The following ATP2B4 variants were observed in gnomAD, a reference collection of about 807,000 sequenced individuals.
The protein encoded by ATP2B4 is ATPase plasma membrane Ca2+ transporting 4, also known as plasma membrane calcium-transporting ATPase 4.
A neutral mutation model predicts 110.3 loss-of-function variants in ATP2B4; 39 were observed. That is an observed-to-expected ratio of 0.35 (90% CI 0.27 to 0.46). The LOEUF (loss-of-function observed/expected upper bound fraction) is 0.46. Among genes scored for constraint, ATP2B4 ranks in the 20% least tolerant of loss-of-function variants. The pLI is 1.00. For synonymous variants in ATP2B4, 538 were observed against 571.7 expected (o/e 0.94, Z 0.84); for missense variants, 1,135 against 1,530.9 (o/e 0.74, Z 4.32).
At position 203,629,732 on chromosome 1, in the gene ATP2B4, T is replaced by TCCTGCCTCC. The variant is rs753910362; in HGVS notation, c.-465+2515_-465+2523dup. ...GCGAACCGAGCGGCGAACGGAGGCT[T>TCCTGCCTCC]CCTGCCTCCCAGGTTGTGCCGAGCC... On this transcript the variant is annotated intron_variant, in intron 1 of 20. Coordinates refer to ENST00000357681, the MANE Select transcript of ATP2B4 (RefSeq NM_001684.5). The surrounding 1 kb of genome is among the most constrained non-coding windows in gnomAD (Gnocchi z 4.6). 3.3e-5 allele frequency among the ~76,000 whole-genome samples: 5 copies of TCCTGCCTCC among 152,168 alleles called. No individual in the cohort carries two copies. The highest frequency in any genetic ancestry group is 7.4e-5 in the Non-Finnish European group (5 of 68,022).
At chr1:203,704,263 A>G (rs1053894911) in intron 8 of ATP2B4, among the ~76,000 whole-genome samples, 3 of 152,128 alleles carry the variant, frequency 2.0e-5, no homozygotes, top group African/African-American at 7.2e-5. Context: ...GACTGGAGGA[A>G]GAAGGAAGGC....
rs1005106113 is a variant in ATP2B4, at chr1:203,743,584, C to A, written c.*3730C>A. On this transcript the variant is annotated 3_prime_UTR_variant, in exon 21 of 21. Coordinates refer to ENST00000357681, the MANE Select transcript of ATP2B4 (RefSeq NM_001684.5). ...TGTATATATGCCATATGTGAATATG[C>A]CATATATATGTGCCAACAAATCTAT... 3.3e-5 allele frequency: 5 copies of A among 152,582 alleles called. No individual in the cohort carries two copies. The highest frequency in any genetic ancestry group is 5.9e-5 in the Non-Finnish European group (4 of 68,036). The allele number at this position is 152,582 out of a possible 1,614,324, so 9.5% of individuals were successfully genotyped here. A position where few individuals can be genotyped will look rare whatever the true frequency, so the allele number is the denominator to read the frequency against.
At position 203,629,809 on chromosome 1, in the gene ATP2B4, G is replaced by A. The variant is rs985025736; in HGVS notation, c.-465+2590G>A. ...ACCAAGTCTCTAGATTCAAGGTCAA[G>A]TCAAAGGAGCACAGCCCGTCTTACC... On this transcript the variant is annotated intron_variant, in intron 1 of 20. Transcript: ENST00000357681. The surrounding 1 kb of genome is among the most constrained non-coding windows in gnomAD (Gnocchi z 4.6). Among the ~76,000 whole-genome samples the A allele has an allele frequency of 6.6e-6, 1 of 152,220 alleles. No individual in the cohort carries two copies. Among genetic ancestry groups the A allele is most frequent in the African/African-American group, 2.4e-5 (1 of 41,460 alleles).
chr1:203,688,092 C>T (rs6692627), intron 2 of ATP2B4, among the ~76,000 whole-genome samples: 125,456 of 150,360 alleles, frequency 0.83, 53,082 homozygotes, highest in East Asian at 1. Flanking sequence ...GGCATGATCT[C>T]GGCTCACTGC....
rs76321648 is a variant in ATP2B4, at chr1:203,639,377, C to T, written c.-465+12158C>T. On this transcript the variant is annotated intron_variant, in intron 1 of 20. Transcript: ENST00000357681. ...TAAGGGTTTGGGAAGAAGTGGTATC[C>T]GGGAGGCAAAGGAAGGGCTCAGCAT... Among the ~76,000 whole-genome samples the T allele has an allele frequency of 8.5e-3, 1,291 of 152,228 alleles. 20 individuals are homozygous for T. The highest frequency in any genetic ancestry group is 0.03 in the African/African-American group (1,233 of 41,534).
At chr1:203,658,577 C>T (rs1664237720) in intron 1 of ATP2B4, among the ~76,000 whole-genome samples, 1 of 151,400 alleles carries the variant, frequency 6.6e-6, no homozygotes, top group Non-Finnish European at 1.5e-5. Context: ...GGATGATGAG[C>T]AAATAAAATG....
chr1:203,657,014 T>G (rs1011993987), intron 1 of ATP2B4: 1 of 747,616 alleles, frequency 1.3e-6, no homozygotes, highest in Non-Finnish European at 2.4e-6. Flanking sequence ...TCAGGACTGT[T>G]GGTAACCTGA....
chr1:203,722,396 C>A, intron 17 of ATP2B4, 82 bp from the exon 18 acceptor site: 1 of 1,101,564 alleles, frequency 9.1e-7, no homozygotes, highest in Non-Finnish European at 1.4e-6. Flanking sequence ...CAGCCATAAG[C>A]AAGCAGTATA....
At chr1:203,722,273 G>T (rs1046084702) in intron 17 of ATP2B4, among the ~76,000 whole-genome samples, 1 of 152,180 alleles carries the variant, frequency 6.6e-6, no homozygotes, top group African/African-American at 2.4e-5. Context: ...GGTCCAGGCT[G>T]CAGTGAGCCA....
rs562759495 is a variant in ATP2B4 at position 203,709,984 on chromosome 1, A to G, written c.1799+442A>G. Among the ~76,000 whole-genome samples the G allele has an allele frequency of 2.6e-5, 4 of 152,364 alleles. No homozygotes were observed. The East Asian group carries it at 7.7e-4, about 29-fold the overall frequency. On this transcript the variant is annotated intron_variant, in intron 11 of 20. Coordinates refer to ENST00000357681, the MANE Select transcript of ATP2B4 (RefSeq NM_001684.5). ...GTATGTAAAATGCCTTATACATAAC[A>G]AGTACTAGAAACGTTTGTTCTGTGT...
At chr1:203,696,574 C>T (rs890928738) in intron 2 of ATP2B4, among the ~76,000 whole-genome samples, 4 of 152,320 alleles carry the variant, frequency 2.6e-5, no homozygotes, top group South Asian at 2.1e-4. Flanking sequence ...TTTGCCTCAG[C>T]GTGTAAACAA....
Position 203,627,674 on chromosome 1 carries a change from GAA to G in ATP2B4, c.-465+470_-465+471del, listed in dbSNP as rs58557409. On this transcript the variant is annotated intron_variant, in intron 1 of 20. Coordinates refer to ENST00000357681, the MANE Select transcript of ATP2B4 (RefSeq NM_001684.5). ...TTCTCGAAAGCCCAAAAGAGAGATG[GAA>G]AAAAAAAAAAAAAAGGAACCAAAGA... Among the ~76,000 whole-genome samples, 1,237 of 134,608 alleles carry G rather than the reference GAA, an allele frequency of 9.2e-3. 16 individuals are homozygous for G. The highest frequency in any genetic ancestry group is 0.027 in the African/African-American group (982 of 36,794). 88.3% of individuals were successfully genotyped at this position (134,608 alleles called of 152,430 possible). A position where few individuals can be genotyped will look rare whatever the true frequency, so the allele number is the denominator to read the frequency against.
intron 1 of ATP2B4, among the ~76,000 whole-genome samples, chr1:203,640,415 T>A (rs1448167709): frequency 6.6e-6 from 1 of 152,132 alleles, no homozygotes; most frequent in Non-Finnish European, 1.5e-5. Flanking sequence ...CTTCCTAGGA[T>A]CAGGTGATTC....
At chr1:203,719,433 G>T (rs1666256961) in intron 15 of ATP2B4, among the ~76,000 whole-genome samples, 1 of 151,750 alleles carries the variant, frequency 6.6e-6, no homozygotes, top group Non-Finnish European at 1.5e-5. Flanking sequence ...ATGCAGTCTG[G>T]GCACGGTGGC....
chr1:203,676,982 C>G (rs1417619370), intron 1 of ATP2B4, among the ~76,000 whole-genome samples: 5 of 152,120 alleles, frequency 3.3e-5, no homozygotes, highest in African/African-American at 1.2e-4. Flanking sequence ...TTTATGTGAG[C>G]CTTCTCATCA....
At chr1:203,637,465 A>T (rs2102300690) in intron 1 of ATP2B4, among the ~76,000 whole-genome samples, 1 of 151,606 alleles carries the variant, frequency 6.6e-6, no homozygotes, top group South Asian at 2.1e-4. Flanking sequence ...GCCAATATAC[A>T]ACCACTTTTG....
intron 1 of ATP2B4, among the ~76,000 whole-genome samples, chr1:203,640,665 T>C (rs566761933): frequency 1.3e-5 from 2 of 152,314 alleles, no homozygotes; most frequent in South Asian, 4.1e-4. Flanking sequence ...GTAGAAGTAA[T>C]AATCGAGCTA....
In ATP2B4 at chr1:203,712,060, G is replaced by A. The variant is rs755985393; in HGVS notation, c.2132G>A (p.Gly711Asp). The A allele has an allele frequency of 1.2e-5, 20 of 1,614,066 alleles. No homozygotes were observed. The highest frequency in any genetic ancestry group is 1.6e-4 in the Middle Eastern group (1 of 6,084). ...GCCCGGGCCATTGCCACCAAATGTGGCATTCTGACACCTGGGGATGACTTC... is the reference window on the plus strand; with the variant it reads ...GCCCGGGCCATTGCCACCAAATGTGACATTCTGACACCTGGGGATGACTTC... ...NTARAIATKC[G>D]ILTPGDDFLC... The change falls in exon 13 of 21, where the codon GGC (glycine) becomes GAC (aspartate). Residue 711 changes from glycine to aspartate, a missense_variant. Physicochemically the swap from Gly to Asp is moderately conservative, Grantham distance 94. Coordinates refer to ENST00000357681, the MANE Select transcript of ATP2B4 (RefSeq NM_001684.5).
chr1:203,682,183 AG>A (rs1665036101), intron 1 of ATP2B4, among the ~76,000 whole-genome samples: 1 of 152,148 alleles, frequency 6.6e-6, no homozygotes, highest in Non-Finnish European at 1.5e-5. Context: ...GAGTACTCTA[AG>A]GGGCTTTGGA....
Sources: gnomAD v4.1 joint callset for allele counts (sites outside exome capture counted in the v4.1 genomes callset) on GRCh38, gnomAD v4.1.1 for gene constraint, Gnocchi (gnomAD v3.1) non-coding constraint, MANE v1.5 for transcripts, NCBI Gene and HGNC (gene_info 2026-07-23, HGNC 2026-07-21) for gene names.